The following LIPI variants were observed in gnomAD, a reference collection of about 807,000 sequenced individuals.
LIPI encodes the protein lipase member I.
LIPI carries 59 observed loss-of-function variants against 50.6 expected under a neutral mutation model. That is an observed-to-expected ratio of 1.16 (90% CI 0.94 to 1.45). The LOEUF (loss-of-function observed/expected upper bound fraction) is 1.45. LIPI is among the 40% of genes most tolerant of loss of function. The pLI is 0.00. For missense variants in LIPI, 586 were observed against 536.3 expected (o/e 1.09, Z -0.92); for synonymous variants, 203 against 178.2 (o/e 1.14, Z -1.11).
chr21:14,189,501 G>T, intron 1 of LIPI, 82 bp from the exon 2 acceptor site: 2 of 1,271,226 alleles, frequency 1.6e-6, no homozygotes, highest in Non-Finnish European at 2.3e-6. Flanking sequence ...AGAATTAAAT[G>T]TGGAGGGTAG....
intron 5 of LIPI, among the ~76,000 whole-genome samples, chr21:14,166,006 C>A (rs1224876592): frequency 1.3e-5 from 2 of 152,112 alleles, no homozygotes; most frequent in Non-Finnish European, 2.9e-5. Flanking sequence ...TGTCTTTGTA[C>A]AGTAATATGG....
intron 9 of LIPI, among the ~76,000 whole-genome samples, chr21:14,129,510 A>G (rs1379209844): frequency 6.6e-6 from 1 of 152,058 alleles, no homozygotes; most frequent in Non-Finnish European, 1.5e-5. Context: ...TGTGTACCCA[A>G]TTATACAATT....
At chr21:14,162,771 T>C (rs938293319) in intron 7 of LIPI, among the ~76,000 whole-genome samples, 8 of 151,900 alleles carry the variant, frequency 5.3e-5, no homozygotes, top group African/African-American at 1.9e-4. Context: ...TTTATGAGAA[T>C]CTATTTTAAG....
At chr21:14,134,979 C>T (rs549226341) in intron 9 of LIPI, among the ~76,000 whole-genome samples, 137 of 152,120 alleles carry the variant, frequency 9.0e-4, no homozygotes, top group Middle Eastern at 6.8e-3. Context: ...AAAAAAGAAA[C>T]AATCAACCGA....
chr21:14,131,214 T>A (rs73894141), intron 9 of LIPI, among the ~76,000 whole-genome samples: 1,799 of 152,224 alleles, frequency 0.012, 33 homozygotes, highest in African/African-American at 0.041. Flanking sequence ...CCTCCCAAAG[T>A]GACCCACTAC....
intron 8 of LIPI, among the ~76,000 whole-genome samples, chr21:14,150,869 G>C (rs1232170310): frequency 6.6e-6 from 1 of 152,262 alleles, no homozygotes; most frequent in South Asian, 2.1e-4. Flanking sequence ...GTGACGGAAG[G>C]TTAGTTTAAA....
chr21:14,121,497 A>G (rs750211309), intron 9 of LIPI, among the ~76,000 whole-genome samples: 29 of 152,188 alleles, frequency 1.9e-4, no homozygotes, highest in Non-Finnish European at 7.3e-5. Flanking sequence ...TGGAGAACTG[A>G]CCCTAAGAAG....
At chr21:14,148,168 G>A (rs995908915) in intron 8 of LIPI, among the ~76,000 whole-genome samples, 4 of 152,058 alleles carry the variant, frequency 2.6e-5, no homozygotes, top group Non-Finnish European at 5.9e-5. Flanking sequence ...AAAATCATAT[G>A]TCTGCACATA....
chr21:14,198,634 A>T (rs952580578), intron 1 of LIPI, among the ~76,000 whole-genome samples: 3 of 152,150 alleles, frequency 2.0e-5, no homozygotes, highest in Non-Finnish European at 4.4e-5. Context: ...TTTCTCAGAG[A>T]TCTTCAAAGA....
At chr21:14,170,112 A>G (rs1040178451) in intron 4 of LIPI, among the ~76,000 whole-genome samples, 3 of 152,248 alleles carry the variant, frequency 2.0e-5, no homozygotes, top group African/African-American at 7.2e-5. Context: ...TAGAAAATCT[A>G]GAAGAAATGG....
intron 1 of LIPI, among the ~76,000 whole-genome samples, chr21:14,199,796 A>C (rs911656255): frequency 2.0e-4 from 30 of 151,882 alleles, no homozygotes; most frequent in African/African-American, 7.0e-4. Context: ...AGATTTAACA[A>C]CACCACAAAA....
intron 4 of LIPI, among the ~76,000 whole-genome samples, chr21:14,170,707 A>T (rs1298966845): frequency 6.6e-6 from 1 of 151,986 alleles, no homozygotes; most frequent in Non-Finnish European, 1.5e-5. Flanking sequence ...TATTGATGGG[A>T]TGTATCTCAA....
chr21:14,167,167 C>T (rs987825299), intron 4 of LIPI, among the ~76,000 whole-genome samples: 3 of 152,152 alleles, frequency 2.0e-5, no homozygotes, highest in African/African-American at 2.4e-5. Flanking sequence ...GGGAGGGGTG[C>T]CTGCCATTGC....
chr21:14,200,669 T>G (rs536686121), intron 1 of LIPI, among the ~76,000 whole-genome samples: 20 of 151,988 alleles, frequency 1.3e-4, no homozygotes, highest in African/African-American at 4.8e-4. Flanking sequence ...TCAGTATCAT[T>G]AAAATGACCA....
rs1049671936 is a variant in LIPI, at chr21:14,175,428, T to A, written c.643+6330A>T. 9.2e-5 allele frequency among the ~76,000 whole-genome samples: 14 copies of A among 152,216 alleles called. No homozygotes were observed. The East Asian group carries it at 1.5e-3, about 17-fold the overall frequency. ...CATAATGTCCTGACTTTTTCTTAACTAGGTTGTCTTTGTCTTTATTACTGA... is the reference window on the plus strand; with the variant it reads ...CATAATGTCCTGACTTTTTCTTAACAAGGTTGTCTTTGTCTTTATTACTGA... On this transcript the variant is annotated intron_variant, in intron 4 of 9. Transcript: ENST00000681601.
intron 4 of LIPI, among the ~76,000 whole-genome samples, chr21:14,174,274 T>A (rs2019017858): frequency 6.6e-6 from 1 of 152,204 alleles, no homozygotes; most frequent in African/African-American, 2.4e-5. Flanking sequence ...GATCATTCAT[T>A]CTCTTGGTTT....
chr21:14,156,676 A>G (rs1435600202), intron 7 of LIPI, among the ~76,000 whole-genome samples: 1 of 151,980 alleles, frequency 6.6e-6, no homozygotes, highest in Non-Finnish European at 1.5e-5. Flanking sequence ...ATAGCTATAA[A>G]AAACATATAC....
intron 3 of LIPI, 124 bp downstream of exon 3, chr21:14,185,837 C>G (rs113400488): frequency 1.6e-6 from 1 of 617,110 alleles, no homozygotes; most frequent in African/African-American, 1.9e-5. Flanking sequence ...GAGCCGAGAT[C>G]GCACCACTGC....
At chr21:14,193,615 A>T (rs192252863) in intron 1 of LIPI, among the ~76,000 whole-genome samples, 1 of 152,170 alleles carries the variant, frequency 6.6e-6, no homozygotes, top group Admixed American at 6.5e-5. Flanking sequence ...CAAGCAAATT[A>T]ACTAAGTTAA....
Sources: gnomAD v4.1 joint callset for allele counts (sites outside exome capture counted in the v4.1 genomes callset) on GRCh38, gnomAD v4.1.1 for gene constraint, MANE v1.5 for transcripts, NCBI Gene and HGNC (gene_info 2026-07-23, HGNC 2026-07-21) for gene names.